The following ACSM1 variants were observed in gnomAD, a reference collection of about 807,000 sequenced individuals.
The protein encoded by ACSM1 is acyl-CoA synthetase medium chain family member 1.
A neutral mutation model predicts 75.8 loss-of-function variants in ACSM1; 79 were observed. The observed-to-expected ratio is 1.04, with a 90% CI of 0.87 to 1.26. ACSM1 has a LOEUF of 1.26. Among genes scored for constraint, ACSM1 ranks in the 50% most tolerant of loss-of-function variants. The probability of loss-of-function intolerance (pLI) is 0.00; values close to 1 mark genes in which losing one functional copy is unlikely to be tolerated. For synonymous variants in ACSM1, 279 were observed against 265.8 expected (o/e 1.05, Z -0.48); for missense variants, 676 against 720.1 (o/e 0.94, Z 0.70).
At chr16:20,624,237 TCA>T (rs372571246) in intron 12 of ACSM1, 22 bp from the exon 13 acceptor site, 1 of 1,594,866 alleles carries the variant, frequency 6.3e-7, no homozygotes, top group African/African-American at 1.3e-5. Context: ...AGTCATGGGC[TCA>T]CAGTGAGTGC....
intron 11 of ACSM1, 124 bp from the exon 12 acceptor site, chr16:20,625,646 CCT>C: frequency 2.5e-6 from 2 of 786,474 alleles, no homozygotes; most frequent in Non-Finnish European, 4.1e-6. Context: ...GCCAGGGACC[CCT>C]GACTTGTCTG....
At chr16:20,682,502 T>C in intron 3 of ACSM1, 39 bp from the exon 4 acceptor site, 1 of 1,549,572 alleles carries the variant, frequency 6.5e-7, no homozygotes, top group Non-Finnish European at 8.9e-7. Flanking sequence ...TGGTTTCTTT[T>C]TCACAACCAT....
At chr16:20,627,860 GTATGTATACATATATATA>G (rs2017054168) in intron 10 of ACSM1, among the ~76,000 whole-genome samples, 2 of 57,394 alleles carry the variant, frequency 3.5e-5, no homozygotes, top group Non-Finnish European at 6.0e-5. Context: ...CTCTCTCTCT[GTATGTATACATATATATA>G]TATATATATA....
chr16:20,685,260 G>T lies in ACSM1; in HGVS notation c.336C>A (p.Asp112Glu). Residue 112 changes from aspartate to glutamate, a missense_variant, in exon 3 of 14, where the codon GAC becomes GAA. Transcript: ENST00000520010. ...CTCGAGGCAGCATCAAGGCCAGATGGTCTCCCTGTTGTAGGCCACAGGTCT... is the reference window on the plus strand; with the variant it reads ...CTCGAGGCAGCATCAAGGCCAGATGTTCTCCCTGTTGTAGGCCACAGGTCT... ...FTQTCGLQQGDHLALMLPRVP... is the reference protein window; with the variant it reads ...FTQTCGLQQGEHLALMLPRVP... The T allele has an allele frequency of 1.2e-6, 2 of 1,614,190 alleles. No individual in the cohort carries two copies. The highest frequency in any genetic ancestry group is 1.7e-6 in the Non-Finnish European group (2 of 1,180,026).
intron 1 of ACSM1, among the ~76,000 whole-genome samples, chr16:20,692,949 T>A (rs2079668245): frequency 6.6e-6 from 1 of 151,994 alleles, no homozygotes; most frequent in Admixed American, 6.6e-5. Context: ...GGCAGGTGGA[T>A]CATGAGGTCA....
In ACSM1 at chr16:20,690,918, C is replaced by A. The variant is rs1366169161; in HGVS notation, c.192+79G>T. 7.0e-6 allele frequency: 10 copies of A among 1,423,418 alleles called. No individual in the cohort carries two copies. In the African/African-American group the frequency reaches 1.2e-4, roughly 17 times the overall value. 88.2% of individuals were successfully genotyped at this position (1,423,418 alleles called of 1,614,324 possible). On this transcript the variant is annotated intron_variant, in intron 2 of 13. Coordinates refer to ENST00000520010, the MANE Select transcript of ACSM1 (RefSeq NM_001318890.3). Reference sequence around the variant, plus strand: ...AGGCAGAAGTAACTTTGGTTCCATACCTTTCAGCCTAGTAGGAGCAAGATA... The same window carrying A: ...AGGCAGAAGTAACTTTGGTTCCATAACTTTCAGCCTAGTAGGAGCAAGATA...
In ACSM1 at chr16:20,623,982, C is replaced by T. The variant is rs540403864; in HGVS notation, c.1647+114G>A. 1.1e-5 allele frequency: 16 copies of T among 1,471,330 alleles called. No homozygotes were observed. The African/African-American group carries it at 1.7e-4, about 15-fold the overall frequency. 91.1% of individuals were successfully genotyped at this position (1,471,330 alleles called of 1,614,324 possible). On this transcript the variant is annotated intron_variant, in intron 13 of 13. Transcript: ENST00000520010. ...GAGGCATGAGCAGAAAAAGAGCCTT[C>T]AGTGTTGTAAACCTCCATTGTTTGG...
At position 20,645,459 on chromosome 16, in the gene ACSM1, G is replaced by C. The variant is rs769432491; in HGVS notation, c.993-4875C>G. Among the ~76,000 whole-genome samples the C allele has an allele frequency of 2.8e-4, 42 of 152,148 alleles. 1 individual carries two copies. Among genetic ancestry groups the C allele is most frequent in the Admixed American group, 1.2e-3 (18 of 15,282 alleles). ...ATGTACCTTTTTCCCTCTCAGACTT[G>C]AAACAAATTAAAATAGACCTAGCTA... is the stretch of plus-strand genomic sequence containing the variant. On this transcript the variant is annotated intron_variant, in intron 7 of 13. Coordinates refer to ENST00000520010, the MANE Select transcript of ACSM1 (RefSeq NM_001318890.3).
At chr16:20,634,611 A>G (rs1339012915) in intron 10 of ACSM1, among the ~76,000 whole-genome samples, 1 of 152,218 alleles carries the variant, frequency 6.6e-6, no homozygotes, top group Non-Finnish European at 1.5e-5. Flanking sequence ...CAAATGTTGT[A>G]TATTTTCACT....
At chr16:20,672,286 A>T (rs1020063058) in intron 4 of ACSM1, among the ~76,000 whole-genome samples, 2 of 149,788 alleles carry the variant, frequency 1.3e-5, no homozygotes, top group South Asian at 2.1e-4. Flanking sequence ...GGGGGAGAGT[A>T]AAAAAAATAT....
intron 6 of ACSM1, among the ~76,000 whole-genome samples, chr16:20,663,060 T>C (rs943240995): frequency 6.6e-6 from 1 of 152,072 alleles, no homozygotes; most frequent in Non-Finnish European, 1.5e-5. Context: ...CTAAACCCCC[T>C]TGTGGCCTTT....
At chr16:20,650,667 GA>G (rs111779003) in intron 7 of ACSM1, among the ~76,000 whole-genome samples, 27,738 of 125,656 alleles carry the variant, frequency 0.22, 3,679 homozygotes, top group African/African-American at 0.42. Flanking sequence ...CTCCTCTTAA[GA>G]AAAAAAAAAA....
At chr16:20,688,122 G>A (rs184175689) in intron 2 of ACSM1, among the ~76,000 whole-genome samples, 1 of 151,566 alleles carries the variant, frequency 6.6e-6, no homozygotes, top group East Asian at 1.9e-4. Context: ...AATATTTGGA[G>A]CTGAAAAATA....
chr16:20,685,404 C>A lies in ACSM1; in HGVS notation c.193-1G>T. 1 of 1,613,658 alleles carries A rather than the reference C, an allele frequency of 6.2e-7. No individual in the cohort carries two copies. On this transcript the variant is annotated splice_acceptor_variant, in intron 2 of 13. Coordinates refer to ENST00000520010, the MANE Select transcript of ACSM1 (RefSeq NM_001318890.3). LOFTEE classifies it high-confidence loss of function. ...CTGGATTTGGACCTCTCTTGCCCTC[C>A]TGGTCAAGACCATATATTATGTGTT...
chr16:20,684,355 G>A (rs1281019307), intron 3 of ACSM1, among the ~76,000 whole-genome samples: 1 of 152,108 alleles, frequency 6.6e-6, no homozygotes, highest in African/African-American at 2.4e-5. Flanking sequence ...TAATTACAAG[G>A]AAAAATTGTG....
chr16:20,672,172 A>G (rs1327966054), intron 4 of ACSM1, among the ~76,000 whole-genome samples: 1 of 151,802 alleles, frequency 6.6e-6, no homozygotes, highest in Non-Finnish European at 1.5e-5. Context: ...ATTCAAACTC[A>G]GTCGGCATCC....
intron 6 of ACSM1, among the ~76,000 whole-genome samples, chr16:20,663,700 A>T (rs1596881670): frequency 2.6e-5 from 4 of 152,304 alleles, no homozygotes; most frequent in Admixed American, 2.6e-4. Context: ...TATAGAGAAA[A>T]GCAGAGGAGA....
intron 6 of ACSM1, among the ~76,000 whole-genome samples, chr16:20,666,740 T>C (rs1030053848): frequency 6.6e-6 from 1 of 152,290 alleles, no homozygotes; most frequent in Non-Finnish European, 1.5e-5. Flanking sequence ...CAAAACAGCA[T>C]GGTACTGGTA....
chr16:20,691,450 T>C (rs1376690700), intron 1 of ACSM1, among the ~76,000 whole-genome samples: 1 of 152,172 alleles, frequency 6.6e-6, no homozygotes, highest in African/African-American at 2.4e-5. Context: ...GCTACTATTA[T>C]GGGTTTGGTG....
Sources: allele counts gnomAD v4.1 joint callset (sites outside exome capture counted in the v4.1 genomes callset), GRCh38; gene constraint gnomAD v4.1.1; transcripts MANE v1.5; gene names NCBI Gene and HGNC (gene_info 2026-07-23, HGNC 2026-07-21).